The following CEP126 variants were observed in gnomAD, a reference collection of about 807,000 sequenced individuals.
CEP126 encodes the protein centrosomal protein 126.
CEP126 carries 74 observed loss-of-function variants against 107.8 expected under a neutral mutation model. The observed-to-expected ratio is 0.69, with a 90% CI of 0.57 to 0.83. The LOEUF (loss-of-function observed/expected upper bound fraction) is 0.83, where lower values mean the gene tolerates loss of function less well. Ranked by LOEUF, CEP126 falls within the 40% of genes least tolerant of loss-of-function variation. The pLI is 0.00. For synonymous variants in CEP126, 449 were observed against 446.0 expected (o/e 1.01, Z -0.08); for missense variants, 1,237 against 1,281.9 (o/e 0.96, Z 0.53).
chr11:101,931,469 T>G (rs1041576939), intron 2 of CEP126, among the ~76,000 whole-genome samples: 2 of 152,172 alleles, frequency 1.3e-5, no homozygotes, highest in African/African-American at 2.4e-5. Context: ...CACAGTAGAT[T>G]ATTGGGTTTA....
intron 9 of CEP126, among the ~76,000 whole-genome samples, chr11:101,990,788 G>A (rs1464130747): frequency 6.6e-6 from 1 of 151,772 alleles, no homozygotes; most frequent in Non-Finnish European, 1.5e-5. Flanking sequence ...AAAACATGGG[G>A]GCAGAACAGG....
At chr11:101,970,105 C>A (rs912819785) in intron 6 of CEP126, among the ~76,000 whole-genome samples, 2 of 152,110 alleles carry the variant, frequency 1.3e-5, no homozygotes, top group Admixed American at 1.3e-4. Flanking sequence ...ATCCAAAAAA[C>A]CATTACCAGA....
chr11:101,920,605 C>CT lies in CEP126; in HGVS notation c.129-2020dup, dbSNP rs5794145. Among the ~76,000 whole-genome samples the CT allele has an allele frequency of 9.9e-3, 1,399 of 141,446 alleles. 12 individuals carry two copies. Among genetic ancestry groups the CT allele is most frequent in the African/African-American group, 0.026 (1,019 of 38,770 alleles). 92.8% of individuals were successfully genotyped at this position (141,446 alleles called of 152,430 possible). The stretch of plus-strand genomic sequence containing the variant: ...TGTGATTACACGGTAATTCAATGAA[C>CT]TTTTTTTTTTTTTTTTGAGACAGAG... On this transcript the variant is annotated intron_variant, in intron 1 of 10. Transcript: ENST00000263468.
At chr11:101,924,627 G>T (rs528442898) in intron 2 of CEP126, among the ~76,000 whole-genome samples, 14 of 152,142 alleles carry the variant, frequency 9.2e-5, no homozygotes, top group African/African-American at 3.4e-4. Context: ...CCCCGTGCCC[G>T]GCTAATTTTT....
At chr11:101,989,488 CAT>C (rs1941351764) in intron 9 of CEP126, among the ~76,000 whole-genome samples, 1 of 152,178 alleles carries the variant, frequency 6.6e-6, no homozygotes, top group South Asian at 2.1e-4. Flanking sequence ...GAACCACACA[CAT>C]ATTATACGTA....
At chr11:101,950,611 C>A (rs1240501204) in intron 4 of CEP126, among the ~76,000 whole-genome samples, 8 of 152,126 alleles carry the variant, frequency 5.3e-5, no homozygotes, top group African/African-American at 1.4e-4. Context: ...TAAAGAAGTA[C>A]AGCATTGAAG....
rs750891461 is a variant in CEP126, at chr11:101,962,154, C to T, written c.1119C>T (p.Ser373=). 7.4e-6 allele frequency: 12 copies of T among 1,613,052 alleles called. No individual in the cohort carries two copies. The highest frequency in any genetic ancestry group is 4.2e-6 in the Non-Finnish European group (5 of 1,179,644). The part of the protein sequence containing the change: ...TANNSVPFVS[S]PPMFVLDKKC... ...ATAATTCAGTACCCTTTGTATCTAG[C>T]CCACCCATGTTTGTACTAGATAAAA... Residue 373 remains serine (S), a synonymous_variant, in exon 6 of 11, where the codon AGC becomes AGT. Transcript: ENST00000263468.
intron 4 of CEP126, among the ~76,000 whole-genome samples, chr11:101,955,007 G>A (rs533299119): frequency 6.4e-4 from 97 of 152,052 alleles, no homozygotes; most frequent in South Asian, 1.0e-3. Flanking sequence ...AAGAAGCAGA[G>A]GTATATCAGT....
chr11:101,947,235 T>C (rs1044179134), intron 3 of CEP126, among the ~76,000 whole-genome samples: 6 of 152,162 alleles, frequency 3.9e-5, no homozygotes, highest in Admixed American at 3.3e-4. Flanking sequence ...AAGCCAGAAA[T>C]TCACTCACCC....
At position 101,963,391 on chromosome 11, in the gene CEP126, A is replaced by G; in HGVS notation, c.2356A>G (p.Lys786Glu). 2.5e-6 allele frequency: 4 copies of G among 1,614,178 alleles called. No homozygotes were observed. The highest frequency in any genetic ancestry group is 3.4e-6 in the Non-Finnish European group (4 of 1,180,018). Residue 786 changes from lysine to glutamate, a missense_variant, in exon 6 of 11, where the codon AAA becomes GAA. By Grantham distance (56) the Lys-to-Glu change is moderately conservative. This residue lies in a region of CEP126 where 1,134 missense variants were observed against 1,150.5 expected (regional missense o/e 0.99). Transcript: ENST00000263468. ...GAVIQPQSAS[K>E]VNIFTQAQGK... is the part of the protein sequence containing the mutation. ...TGTCATTCAACCACAGTCTGCAAGC[A>G]AAGTCAACATATTTACACAAGCTCA...
intron 3 of CEP126, among the ~76,000 whole-genome samples, chr11:101,945,195 A>G (rs1365538371): frequency 6.6e-6 from 1 of 152,210 alleles, no homozygotes; most frequent in Non-Finnish European, 1.5e-5. Context: ...AACCTATGTC[A>G]GGACATCAAG....
chr11:101,950,616 T>C (rs191897099), intron 4 of CEP126, among the ~76,000 whole-genome samples: 5 of 152,290 alleles, frequency 3.3e-5, no homozygotes, highest in African/African-American at 1.2e-4. Context: ...AAGTACAGCA[T>C]TGAAGGTAGA....
intron 6 of CEP126, among the ~76,000 whole-genome samples, chr11:101,976,110 C>T (rs1941189149): frequency 6.6e-6 from 1 of 152,156 alleles, no homozygotes; most frequent in African/African-American, 2.4e-5. Context: ...AATGGGATTT[C>T]TGGGTTGATG....
At position 101,992,862 on chromosome 11, in the gene CEP126, CT is replaced by C; in HGVS notation, c.3309+27del. On this transcript the variant is annotated intron_variant, in intron 10 of 10. Transcript: ENST00000263468. ...CTTCTGGTAAGTATTTGAAGAAGCTCTTTTTTTCTTGTTTTAGGAAACTTCT... is the reference window on the plus strand; with the variant it reads ...CTTCTGGTAAGTATTTGAAGAAGCTCTTTTTTCTTGTTTTAGGAAACTTCT... 2 of 1,504,686 alleles carry C rather than the reference CT, an allele frequency of 1.3e-6. No homozygotes were observed. The highest frequency in any genetic ancestry group is 2.7e-5 in the South Asian group (2 of 72,734). The allele number at this position is 1,504,686 out of a possible 1,614,324, so 93.2% of individuals were successfully genotyped here. A position where few individuals can be genotyped will look rare whatever the true frequency, so the allele number is the denominator to read the frequency against.
intron 4 of CEP126, among the ~76,000 whole-genome samples, chr11:101,954,169 A>G (rs993009408): frequency 6.6e-6 from 1 of 152,090 alleles, no homozygotes; most frequent in African/African-American, 2.4e-5. Context: ...CTGGGATTAC[A>G]GGAACGTACC....
intron 2 of CEP126, among the ~76,000 whole-genome samples, chr11:101,943,082 A>G (rs1940687663): frequency 6.7e-6 from 1 of 149,106 alleles, no homozygotes; most frequent in Non-Finnish European, 1.5e-5. Flanking sequence ...TCCAGTCCGG[A>G]TGCCTTTTTT....
In CEP126 at chr11:101,915,016, T is replaced by A; in HGVS notation, c.-269T>A. 2.5e-6 allele frequency: 1 copy of A among 399,564 alleles called. No homozygotes were observed. Among genetic ancestry groups the A allele is most frequent in the Non-Finnish European group, 4.5e-6 (1 of 223,528 alleles). 24.8% of individuals were successfully genotyped at this position (399,564 alleles called of 1,614,324 possible). On this transcript the variant is annotated 5_prime_UTR_variant, in exon 1 of 11. Coordinates refer to ENST00000263468, the MANE Select transcript of CEP126 (RefSeq NM_020802.4). ...GGTTTCCGTTGTCAAGGACGCGCCG[T>A]CGGTTGTTGTCAAGATGGCGGCTGC...
At chr11:101,985,084 G>A (rs1279938739) in intron 8 of CEP126, among the ~76,000 whole-genome samples, 1 of 152,124 alleles carries the variant, frequency 6.6e-6, no homozygotes, top group Non-Finnish European at 1.5e-5. Flanking sequence ...TTGCTTTTCA[G>A]TAGATATAAA....
chr11:101,981,669 T>C (rs1051921171), intron 7 of CEP126, among the ~76,000 whole-genome samples: 1 of 152,148 alleles, frequency 6.6e-6, no homozygotes, highest in African/African-American at 2.4e-5. Flanking sequence ...TCTGAAAATT[T>C]TTTTGTGGAC....
Sources: gnomAD v4.1 joint callset for allele counts (sites outside exome capture counted in the v4.1 genomes callset) on GRCh38, gnomAD v4.1.1 for gene constraint, gnomAD v4.1.1 regional missense constraint, MANE v1.5 for transcripts, NCBI Gene and HGNC (gene_info 2026-07-23, HGNC 2026-07-21) for gene names.